CTNNA2: variants seen among roughly 807,000 people sequenced by gnomAD.
The protein encoded by CTNNA2 is catenin alpha-2.
A neutral mutation model predicts 101.0 loss-of-function variants in CTNNA2; 42 were observed. That is an observed-to-expected ratio of 0.42 (90% CI 0.32 to 0.54). CTNNA2 has a LOEUF of 0.54. Ranked by LOEUF, CTNNA2 falls within the 20% of genes least tolerant of loss-of-function variation. The pLI is 0.14. For synonymous variants in CTNNA2, 450 were observed against 456.4 expected, an observed-to-expected ratio of 0.99 and a Z score of 0.18; for missense variants, 871 against 1,223.1, an observed-to-expected ratio of 0.71 and a Z score of 4.29.
rs1558619503 is a variant in CTNNA2, at chr2:79,894,038, CTTCTTCTTCTTCTTCTTCTTCTTCT to C, written c.853-15554_853-15530del. Among the ~76,000 whole-genome samples the C allele has an allele frequency of 4.3e-3, 625 of 146,944 alleles. 2 individuals carry two copies. Among genetic ancestry groups the C allele is most frequent in the Non-Finnish European group, 6.2e-3 (418 of 66,936 alleles). On this transcript the variant is annotated intron_variant, in intron 6 of 18. Transcript: ENST00000402739. ...TCTTCTTCTTCTTCTTCTTCTTCTT[CTTCTTCTTCTTCTTCTTCTTCTTCT>C]TCCTCCTCCTCCTCCTCCTTCTTCT...
chr2:80,481,528 T>G (rs1436146944), intron 9 of CTNNA2, among the ~76,000 whole-genome samples: 1 of 152,118 alleles, frequency 6.6e-6, no homozygotes. Context: ...CAGAGGAAAT[T>G]ATGCTTCTTA....
chr2:79,692,923 G>A (rs1684412134), intron 2 of CTNNA2, among the ~76,000 whole-genome samples: 2 of 151,852 alleles, frequency 1.3e-5, no homozygotes, highest in African/African-American at 4.8e-5. Context: ...ACCTAATGTA[G>A]ATGATGGGTT....
chr2:79,329,974 G>T (rs571085117), intron 3 of CTNNA2, among the ~76,000 whole-genome samples: 1 of 152,248 alleles, frequency 6.6e-6, no homozygotes, highest in African/African-American at 2.4e-5. Flanking sequence ...AACATGACAG[G>T]CTTCAGGGAT....
At chr2:79,914,893 T>C (rs1453033575) in intron 7 of CTNNA2, among the ~76,000 whole-genome samples, 1 of 152,082 alleles carries the variant, frequency 6.6e-6, no homozygotes, top group Non-Finnish European at 1.5e-5. Flanking sequence ...TATGGGAACA[T>C]ATATACATAT....
chr2:79,206,013 A>C, intron 2 of CTNNA2, among the ~76,000 whole-genome samples: 1 of 152,202 alleles, frequency 6.6e-6, no homozygotes, highest in East Asian at 1.9e-4. Context: ...AAAACAGTCA[A>C]AAGTTTTAAA....
chr2:80,540,486 A>G lies in CTNNA2; in HGVS notation c.1291-4496A>G, dbSNP rs140424296. 5.3e-3 allele frequency among the ~76,000 whole-genome samples: 801 copies of G among 151,954 alleles called. 8 individuals carry two copies. The highest frequency in any genetic ancestry group is 0.018 in the African/African-American group (746 of 41,456). ...GTGTTGGGTGCCTGTAACCCCAGCT[A>G]CTGGTGAGGCTGAGACAGGAGAATC... On this transcript the variant is annotated intron_variant, in intron 9 of 18. Coordinates refer to ENST00000402739, the MANE Select transcript of CTNNA2 (RefSeq NM_001282597.3).
At position 80,305,363 on chromosome 2, in the gene CTNNA2, G is replaced by A. The variant is rs1429715702; in HGVS notation, c.1057-87848G>A. 8.1e-6 allele frequency: 8 copies of A among 985,154 alleles called. No individual in the cohort carries two copies. The South Asian group carries it at 1.4e-4, about 17-fold the overall frequency. The allele number at this position is 985,154 out of a possible 1,614,324, so 61.0% of individuals were successfully genotyped here. ...AGGGAGACTTGACTGAGATCCCTCCGGGGCTTCATCAGGCTCCACAGATAC... is the reference window on the plus strand; with the variant it reads ...AGGGAGACTTGACTGAGATCCCTCCAGGGCTTCATCAGGCTCCACAGATAC... On this transcript the variant is annotated intron_variant, in intron 7 of 18. Coordinates refer to ENST00000402739, the MANE Select transcript of CTNNA2 (RefSeq NM_001282597.3).
At chr2:79,311,580 A>G (rs548567809) in intron 2 of CTNNA2, among the ~76,000 whole-genome samples, 1 of 152,206 alleles carries the variant, frequency 6.6e-6, no homozygotes, top group East Asian at 1.9e-4. Context: ...ACAGTCGCTT[A>G]AAAGTCAGCA....
chr2:80,233,103 A>C (rs1709350790), intron 7 of CTNNA2, among the ~76,000 whole-genome samples: 2 of 152,300 alleles, frequency 1.3e-5, no homozygotes, highest in African/African-American at 4.8e-5. Context: ...TGGATTATGA[A>C]CTGCCACCCT....
chr2:80,383,176 G>A (rs537825328), intron 7 of CTNNA2, among the ~76,000 whole-genome samples: 20 of 152,276 alleles, frequency 1.3e-4, no homozygotes, highest in Non-Finnish European at 2.4e-4. Flanking sequence ...CTACACCTGT[G>A]TTGATAAAAT....
intron 7 of CTNNA2, among the ~76,000 whole-genome samples, chr2:79,965,778 G>A (rs1428194657): frequency 7.5e-6 from 1 of 132,632 alleles, no homozygotes; most frequent in African/African-American, 2.9e-5. Flanking sequence ...GAGACAAGAT[G>A]GCACCACTGC....
chr2:80,448,917 G>A (rs1470631805), intron 9 of CTNNA2, among the ~76,000 whole-genome samples: 1 of 152,048 alleles, frequency 6.6e-6, no homozygotes, highest in African/African-American at 2.4e-5. Context: ...TAATTTGAAA[G>A]GCAATTCTTA....
chr2:80,294,042 A>G (rs1437006064), intron 7 of CTNNA2, among the ~76,000 whole-genome samples: 1 of 152,140 alleles, frequency 6.6e-6, no homozygotes, highest in Non-Finnish European at 1.5e-5. Context: ...ATTGATTTGT[A>G]TATTTTGAGC....
chr2:79,223,465 T>C (rs142251236), intron 2 of CTNNA2, among the ~76,000 whole-genome samples: 47 of 152,300 alleles, frequency 3.1e-4, no homozygotes, highest in African/African-American at 1.1e-3. Context: ...CTTCTCAGAA[T>C]TGATCTTTAG....
At chr2:79,598,928 A>T (rs1451031177) in intron 1 of CTNNA2, among the ~76,000 whole-genome samples, 1 of 152,016 alleles carries the variant, frequency 6.6e-6, no homozygotes, top group Non-Finnish European at 1.5e-5. Context: ...GAAGTTTTAT[A>T]GTTTTGCATT....
At chr2:79,577,575 G>C (rs906571520) in intron 1 of CTNNA2, among the ~76,000 whole-genome samples, 1 of 152,004 alleles carries the variant, frequency 6.6e-6, no homozygotes, top group Non-Finnish European at 1.5e-5. Flanking sequence ...ATTGTTGGGA[G>C]AATTACCCCT....
intron 7 of CTNNA2, among the ~76,000 whole-genome samples, chr2:80,300,626 C>CA (rs906129871): frequency 5.1e-4 from 77 of 150,974 alleles, no homozygotes; most frequent in Non-Finnish European, 7.4e-4. Flanking sequence ...TTCTCTCTCT[C>CA]AAAAAAAAGG....
At chr2:79,325,044 T>A (rs115811908) in intron 3 of CTNNA2, among the ~76,000 whole-genome samples, 1 of 152,206 alleles carries the variant, frequency 6.6e-6, no homozygotes, top group Non-Finnish European at 1.5e-5. Flanking sequence ...TACAAAGCTA[T>A]CTTCTGAAAC....
intron 9 of CTNNA2, among the ~76,000 whole-genome samples, chr2:80,528,773 C>G (rs1413475408): frequency 1.3e-5 from 2 of 152,022 alleles, no homozygotes; most frequent in African/African-American, 2.4e-5. Context: ...AGTTTTTGCC[C>G]AGATTGGAGG....
Sources: gnomAD v4.1 joint callset for allele counts (sites outside exome capture counted in the v4.1 genomes callset) on GRCh38, gnomAD v4.1.1 for gene constraint, MANE v1.5 for transcripts, NCBI Gene and HGNC (gene_info 2026-07-23, HGNC 2026-07-21) for gene names.